The following SETBP1 variants were observed in gnomAD, a reference collection of about 807,000 sequenced individuals.
SETBP1 encodes the protein SET-binding protein.
Under a neutral mutation model 101.0 loss-of-function variants are expected in SETBP1, and 9 were observed. That is an observed-to-expected ratio of 0.09 (90% CI 0.05 to 0.16). The LOEUF is 0.16. SETBP1 is among the 10% of genes least tolerant of loss of function. SETBP1 has a pLI of 1.00. For missense variants in SETBP1, 1,858 were observed against 2,033.8 expected (o/e 0.91, Z 1.66); for synonymous variants, 818 against 788.5 (o/e 1.04, Z -0.63).
rs148100622 is a variant in SETBP1 at position 44,740,179 on chromosome 18, A to G, written c.486+38347A>G. ...TGAGTCATAGGGCTCCAAGGATTCA[A>G]TGGTAGAGTTACGTCACCTCCTTTG... On this transcript the variant is annotated intron_variant, in intron 2 of 5. Coordinates refer to ENST00000649279, the MANE Select transcript of SETBP1 (RefSeq NM_015559.3). Among the ~76,000 whole-genome samples the G allele has an allele frequency of 4.7e-3, 719 of 152,284 alleles. 2 individuals are homozygous for G. The highest frequency in any genetic ancestry group is 7.1e-3 in the Non-Finnish European group (484 of 68,020).
At chr18:44,876,749 T>C in intron 3 of SETBP1, 3 of 1,525,066 alleles carry the variant, frequency 2.0e-6, no homozygotes, top group Non-Finnish European at 2.6e-6. Context: ...GCACAAGAAG[T>C]ATAACTTCGC....
In SETBP1 at chr18:44,701,451, A is replaced by G. The variant is rs772369656; in HGVS notation, c.105A>G (p.Gly35=). 1.9e-6 allele frequency: 3 copies of G among 1,612,134 alleles called. No homozygotes were observed. The highest frequency in any genetic ancestry group is 2.5e-6 in the Non-Finnish European group (3 of 1,178,896). ...AKPPAAPGCA[G]EPLLSTPGPG... The stretch of plus-strand genomic sequence containing the variant: ...CCCCAGCTGCTCCTGGCTGTGCAGG[A>G]GAACCTTTGCTCTCCACTCCAGGAC... Residue 35 remains glycine, a synonymous_variant, in exon 2 of 6, where the codon GGA becomes GGG. Transcript: ENST00000649279.
intron 2 of SETBP1, among the ~76,000 whole-genome samples, chr18:44,754,897 CAA>C (rs1000054433): frequency 3.3e-5 from 5 of 152,190 alleles, no homozygotes; most frequent in Non-Finnish European, 7.3e-5. Flanking sequence ...CATAGTGGGT[CAA>C]AGACACTCCT....
intron 3 of SETBP1, among the ~76,000 whole-genome samples, chr18:44,888,195 A>T (rs1431125320): frequency 6.6e-6 from 1 of 152,092 alleles, no homozygotes; most frequent in Non-Finnish European, 1.5e-5. Context: ...GGATAAGTTG[A>T]GCCTAAAGCC....
rs567749223 is a variant in SETBP1, at chr18:44,894,012, G to T, written c.540+24729G>T. 1.2e-3 allele frequency among the ~76,000 whole-genome samples: 186 copies of T among 152,218 alleles called. 1 individual carries two copies. Among genetic ancestry groups the T allele is most frequent in the Non-Finnish European group, 2.1e-4 (14 of 68,006 alleles). ...TTTAAAACTCCACTCTTGATCTGCA[G>T]CCAGTAAGAGCACAACTTGCAACTA... On this transcript the variant is annotated intron_variant, in intron 3 of 5. Transcript: ENST00000649279.
intron 2 of SETBP1, among the ~76,000 whole-genome samples, chr18:44,823,083 A>T (rs781504877): frequency 6.6e-6 from 1 of 152,200 alleles, no homozygotes; most frequent in Non-Finnish European, 1.5e-5. Context: ...GTGAACCTAG[A>T]TCATGCTGCT....
At chr18:44,851,977 G>A (rs1351365588) in intron 2 of SETBP1, among the ~76,000 whole-genome samples, 5 of 151,980 alleles carry the variant, frequency 3.3e-5, no homozygotes, top group Admixed American at 6.6e-5. Flanking sequence ...GGCCTTCCAC[G>A]CCCTCCCAGG....
chr18:44,766,032 C>A (rs1263812550), intron 2 of SETBP1, among the ~76,000 whole-genome samples: 1 of 152,212 alleles, frequency 6.6e-6, no homozygotes, highest in Non-Finnish European at 1.5e-5. Context: ...GTGCTTGGAT[C>A]TTGAGAGTTG....
At chr18:45,037,209 T>A (rs1332687998) in intron 4 of SETBP1, among the ~76,000 whole-genome samples, 1 of 152,146 alleles carries the variant, frequency 6.6e-6, no homozygotes, top group Non-Finnish European at 1.5e-5. Flanking sequence ...AGAAACTGAA[T>A]AGGTAACCAT....
At chr18:44,693,143 G>C (rs1006789047) in intron 1 of SETBP1, among the ~76,000 whole-genome samples, 8 of 152,292 alleles carry the variant, frequency 5.3e-5, no homozygotes, top group African/African-American at 1.9e-4. Flanking sequence ...CATTTACTCT[G>C]GGTGTTTCTG....
chr18:44,990,187 C>T (rs2072335782), intron 4 of SETBP1, among the ~76,000 whole-genome samples: 1 of 151,944 alleles, frequency 6.6e-6, no homozygotes, highest in African/African-American at 2.4e-5. Flanking sequence ...AGAGAGTTTT[C>T]CCAAGCGTAT....
intron 2 of SETBP1, among the ~76,000 whole-genome samples, chr18:44,841,534 G>T (rs2072617867): frequency 6.6e-6 from 1 of 152,154 alleles, no homozygotes; most frequent in Non-Finnish European, 1.5e-5. Context: ...GGACTTATTT[G>T]AAAACCATCC....
At chr18:44,902,365 T>C (rs2070070426) in intron 3 of SETBP1, among the ~76,000 whole-genome samples, 1 of 152,278 alleles carries the variant, frequency 6.6e-6, no homozygotes, top group East Asian at 1.9e-4. Flanking sequence ...ATTGCTAATA[T>C]TGTTTCATGT....
chr18:44,744,836 G>A (rs554283658), intron 2 of SETBP1, among the ~76,000 whole-genome samples: 1 of 151,126 alleles, frequency 6.6e-6, no homozygotes, highest in Non-Finnish European at 1.5e-5. Context: ...CCGGCGGTTT[G>A]ATCTCCCCTG....
chr18:45,002,974 T>C (rs2072648203), intron 4 of SETBP1, among the ~76,000 whole-genome samples: 1 of 152,198 alleles, frequency 6.6e-6, no homozygotes. Context: ...CCTTGGTATA[T>C]GTGAGAAACT....
At chr18:44,681,270 ACC>A (rs1468638927) in intron 1 of SETBP1, among the ~76,000 whole-genome samples, 2 of 152,132 alleles carry the variant, frequency 1.3e-5, no homozygotes, top group East Asian at 3.9e-4. Flanking sequence ...CGGAAAGGGA[ACC>A]CTTCGGTATC....
At chr18:44,916,015 A>G (rs2070417256) in intron 3 of SETBP1, among the ~76,000 whole-genome samples, 1 of 152,094 alleles carries the variant, frequency 6.6e-6, no homozygotes, top group South Asian at 2.1e-4. Context: ...CATTTGAGGT[A>G]AGAAGTGTGA....
intron 2 of SETBP1, among the ~76,000 whole-genome samples, chr18:44,707,231 C>T (rs1183008690): frequency 6.6e-6 from 1 of 152,194 alleles, no homozygotes; most frequent in African/African-American, 2.4e-5. Flanking sequence ...AGGTGAGGAT[C>T]ACTAGAGTGT....
chr18:44,765,029 G>A (rs2070736279), intron 2 of SETBP1, among the ~76,000 whole-genome samples: 1 of 152,206 alleles, frequency 6.6e-6, no homozygotes, highest in Non-Finnish European at 1.5e-5. Flanking sequence ...GACAGTCAGG[G>A]TTAGGATCTA....
Sources: gnomAD v4.1 joint callset for allele counts (sites outside exome capture counted in the v4.1 genomes callset) on GRCh38, gnomAD v4.1.1 for gene constraint, MANE v1.5 for transcripts, NCBI Gene and HGNC (gene_info 2026-07-23, HGNC 2026-07-21) for gene names.